The following CYB5R2 variants were observed in gnomAD, a reference collection of about 807,000 sequenced individuals.
CYB5R2 encodes NADH-cytochrome b5 reductase 2.
CYB5R2 carries 35 observed loss-of-function variants against 29.8 expected under a neutral mutation model. The ratio of observed to expected loss-of-function variants is 1.17; its 90% CI spans 0.90 to 1.56. The LOEUF (loss-of-function observed/expected upper bound fraction) is 1.56. CYB5R2 is among the 40% of genes most tolerant of loss of function. The pLI, the probability that CYB5R2 is intolerant of heterozygous loss-of-function variation, is 0.00. For synonymous variants in CYB5R2, 169 were observed against 130.6 expected (o/e 1.29, Z -2.01); for missense variants, 419 against 346.7 (o/e 1.21, Z -1.66).
chr11:7,665,992 G>C (rs1444596221), intron 8 of CYB5R2: 12 of 1,301,706 alleles, frequency 9.2e-6, no homozygotes, highest in Non-Finnish European at 1.3e-5. Flanking sequence ...CGCCTGTGGG[G>C]TGCTCTGTGC....
upstream of CYB5R2, chr11:7,673,646 T>G: frequency 1.0e-6 from 1 of 985,330 alleles, no homozygotes; most frequent in Non-Finnish European, 1.2e-6. Flanking sequence ...GCCTCTGGCC[T>G]CTTTCCTTCC....
intron 7 of CYB5R2, chr11:7,666,823 A>G: frequency 3.3e-6 from 1 of 306,062 alleles, no homozygotes; most frequent in Admixed American, 4.6e-5. Flanking sequence ...GAAGGACCTT[A>G]GCCAAGCGCT....
upstream of CYB5R2, chr11:7,673,849 C>G (rs2136137169): frequency 1.0e-6 from 1 of 988,284 alleles, no homozygotes; most frequent in African/African-American, 1.7e-5. Context: ...GACCCGGACA[C>G]GCACGCCCGG....
At chr11:7,668,257 G>A (rs1169377109) in intron 6 of CYB5R2, among the ~76,000 whole-genome samples, 4 of 152,198 alleles carry the variant, frequency 2.6e-5, no homozygotes, top group Admixed American at 6.5e-5. Flanking sequence ...CCCCAAGCCT[G>A]ACCTGAAAGG....
chr11:7,672,519 A>T lies in CYB5R2; in HGVS notation c.83T>A (p.Ile28Asn). 2 of 1,614,074 alleles carry T rather than the reference A, an allele frequency of 1.2e-6. No individual in the cohort carries two copies. The highest frequency in any genetic ancestry group is 2.2e-5 in the South Asian group (2 of 91,084). The part of the protein sequence containing the change: ...YPLPLIEKEK[I>N]SHNTRRFRFG... Reference sequence around the variant, plus strand: ...GCGGAACCTCCGGGTGTTGTGGCTGATTTTCTGATAAAACAAAACATAGGC... The same window carrying T: ...GCGGAACCTCCGGGTGTTGTGGCTGTTTTTCTGATAAAACAAAACATAGGC... The change falls in exon 3 of 9, where the codon ATC (isoleucine) becomes AAC (asparagine). Residue 28 changes from isoleucine (I) to asparagine (N), a missense_variant. Transcript: ENST00000299498.
At chr11:7,672,958 G>A (rs936316789) in intron 1 of CYB5R2, 67 bp from the exon 2 acceptor site, 18 of 1,464,346 alleles carry the variant, frequency 1.2e-5, no homozygotes, top group Admixed American at 2.0e-5. Context: ...GCTCTCAGGC[G>A]CAGAACACCC....
Position 7,665,482 on chromosome 11 carries a change from C to A in CYB5R2, c.723G>T (p.Ala241=), listed in dbSNP as rs149629484. Residue 241 remains alanine, a synonymous_variant, in exon 9 of 9, where the codon GCG becomes GCT. Transcript: ENST00000299498. ...DMIKEHLPPP[A]KSTLILVCGP... is the part of the protein sequence containing the mutation. ...CACACACCAGGATGAGCGTGGACTT[C>A]GCTGGAGGAGGAAGGTGCTCCTTGA... 6.2e-7 allele frequency: 1 copy of A among 1,613,902 alleles called. No individual in the cohort carries two copies. The highest frequency in any genetic ancestry group is 8.5e-7 in the Non-Finnish European group (1 of 1,179,904).
chr11:7,672,913 G>T (rs770720882), intron 1 of CYB5R2, 22 bp from the exon 2 acceptor site: 1 of 1,601,232 alleles, frequency 6.2e-7, no homozygotes, highest in Non-Finnish European at 8.5e-7. Flanking sequence ...AATGTGAACA[G>T]AGCACCTCAG....
chr11:7,669,397 A>G, intron 4 of CYB5R2, 63 bp from the exon 5 acceptor site: 3 of 1,545,526 alleles, frequency 1.9e-6, no homozygotes, highest in Non-Finnish European at 1.7e-6. Flanking sequence ...ACGTACAACT[A>G]GAAAATGCAT....
intron 3 of CYB5R2, chr11:7,672,041 G>T (rs1456862389): frequency 1.2e-5 from 2 of 170,896 alleles, no homozygotes; most frequent in Non-Finnish European, 2.5e-5. Flanking sequence ...TGTAGTTTCT[G>T]AATTTTCATA....
Position 7,665,848 on chromosome 11 carries a change from G to A in CYB5R2, c.659-302C>T, listed in dbSNP as rs1165490404. The A allele has an allele frequency of 4.6e-6, 7 of 1,535,774 alleles. No individual in the cohort carries two copies. The African/African-American group carries it at 9.6e-5, about 21-fold the overall frequency. ...ATACCGAGGTGTGTGAATCAGTACA[G>A]CCAGCTGGAGTTGTCCGGCAGGGTG... is the stretch of plus-strand genomic sequence containing the variant. On this transcript the variant is annotated intron_variant, in intron 8 of 8. Transcript: ENST00000299498.
Position 7,667,733 on chromosome 11 carries a change from T to A in CYB5R2, c.553A>T (p.Asn185Tyr), listed in dbSNP as rs768134210. 5.6e-6 allele frequency: 9 copies of A among 1,613,868 alleles called. No homozygotes were observed. In the South Asian group the frequency reaches 7.7e-5, roughly 14 times the overall value. ...CAAGCTCAGCAGGAACTGACCTGGT[T>A]GGCAAAGATGAGGGACATCCTGGTC... is the stretch of plus-strand genomic sequence containing the variant. ...DRTRMSLIFANQTEEDILVRK... is the reference protein window; with the variant it reads ...DRTRMSLIFAYQTEEDILVRK... Residue 185 changes from asparagine to tyrosine, a missense_variant, in exon 7 of 9, where the codon AAC becomes TAC. By Grantham distance (143) the Asn-to-Tyr change is moderately radical (BLOSUM62 -2). Coordinates refer to ENST00000299498, the MANE Select transcript of CYB5R2 (RefSeq NM_016229.5).
Position 7,665,160 on chromosome 11 carries a change from T to C in CYB5R2, c.*214A>G. Reference sequence around the variant, plus strand: ...ACGGAGAAAGATACTGAAATGGAGCTCTTTCCAGCCTCCAAGCAAGGAGGC... The same window carrying C: ...ACGGAGAAAGATACTGAAATGGAGCCCTTTCCAGCCTCCAAGCAAGGAGGC... On this transcript the variant is annotated 3_prime_UTR_variant, in exon 9 of 9. Coordinates refer to ENST00000299498, the MANE Select transcript of CYB5R2 (RefSeq NM_016229.5). 6.6e-6 allele frequency: 3 copies of C among 453,942 alleles called. No homozygotes were observed. The highest frequency in any genetic ancestry group is 1.2e-5 in the Non-Finnish European group (3 of 258,016). 28.1% of individuals were successfully genotyped at this position (453,942 alleles called of 1,614,324 possible).
Position 7,665,566 on chromosome 11 carries a change from G to A in CYB5R2, c.659-20C>T, listed in dbSNP as rs200279316. On this transcript the variant is annotated intron_variant, in intron 8 of 8. Coordinates refer to ENST00000299498, the MANE Select transcript of CYB5R2 (RefSeq NM_016229.5). ...TCCAGCCTGAAATGAAGGAGATGCA[G>A]GAGCAAGCTGAGCGATGCCAGGTGG... 1.3e-6 allele frequency: 2 copies of A among 1,585,090 alleles called. No homozygotes were observed. Among genetic ancestry groups the A allele is most frequent in the Admixed American group, 1.8e-5 (1 of 56,656 alleles).
In CYB5R2 at chr11:7,665,477, G is replaced by T; in HGVS notation, c.728C>A (p.Ser243Tyr). 1.2e-6 allele frequency: 2 copies of T among 1,614,034 alleles called. No individual in the cohort carries two copies. Among genetic ancestry groups the T allele is most frequent in the Non-Finnish European group, 1.7e-6 (2 of 1,179,974 alleles). ...IKEHLPPPAK[S>Y]TLILVCGPPP... The stretch of plus-strand genomic sequence containing the variant: ...CGGGCCACACACCAGGATGAGCGTG[G>T]ACTTCGCTGGAGGAGGAAGGTGCTC... Residue 243 changes from serine to tyrosine, a missense_variant, in exon 9 of 9, where the codon TCC becomes TAC. By Grantham distance (144) the Ser-to-Tyr change is moderately radical (BLOSUM62 -2). Transcript: ENST00000299498.
At chr11:7,665,990 G>A (rs1331997416) in intron 8 of CYB5R2, 4 of 1,343,932 alleles carry the variant, frequency 3.0e-6, no homozygotes, top group Non-Finnish European at 4.1e-6. Flanking sequence ...CGCGCCTGTG[G>A]GGTGCTCTGT....
chr11:7,672,738 G>A lies in CYB5R2; in HGVS notation c.78+10C>T, dbSNP rs1287577846. ...CTTACTGCCTTCCACCCACAGGGCTGACCCATTACCTCTTTCTCAATCAAG... is the reference window on the plus strand; with the variant it reads ...CTTACTGCCTTCCACCCACAGGGCTAACCCATTACCTCTTTCTCAATCAAG... On this transcript the variant is annotated intron_variant, in intron 2 of 8. Coordinates refer to ENST00000299498, the MANE Select transcript of CYB5R2 (RefSeq NM_016229.5). 1 of 1,614,010 alleles carries A rather than the reference G, an allele frequency of 6.2e-7. No individual in the cohort carries two copies. Among genetic ancestry groups the A allele is most frequent in the African/African-American group, 1.3e-5 (1 of 74,922 alleles).
chr11:7,666,216 G>A (rs181807614), intron 8 of CYB5R2: 3 of 579,286 alleles, frequency 5.2e-6, no homozygotes, highest in African/African-American at 1.9e-5. Context: ...GTTCAGTGCA[G>A]CGTGAGGTGC....
upstream of CYB5R2, chr11:7,674,200 C>T: frequency 2.4e-6 from 3 of 1,266,250 alleles, no homozygotes; most frequent in Non-Finnish European, 3.1e-6. Flanking sequence ...CTGCAAAGAG[C>T]GCGCGAATAT....
Sources: gnomAD v4.1 joint callset for allele counts (sites outside exome capture counted in the v4.1 genomes callset) on GRCh38, gnomAD v4.1.1 for gene constraint, MANE v1.5 for transcripts, NCBI Gene and HGNC (gene_info 2026-07-23, HGNC 2026-07-21) for gene names.